The following CHRNA7 variants were observed in gnomAD, a reference collection of about 807,000 sequenced individuals.
The protein encoded by CHRNA7 is cholinergic receptor nicotinic alpha 7 subunit, also known as neuronal acetylcholine receptor subunit alpha-7.
A neutral mutation model predicts 48.0 loss-of-function variants in CHRNA7; 17 were observed. That is an observed-to-expected ratio of 0.35 (90% CI 0.24 to 0.53). The LOEUF is 0.53. Ranked by LOEUF, CHRNA7 falls within the 20% of genes least tolerant of loss-of-function variation. CHRNA7 has a pLI of 0.92. For synonymous variants in CHRNA7, 75 were observed against 242.3 expected (o/e 0.31, Z 6.41); for missense variants, 155 against 577.7 (o/e 0.27, Z 7.50).
intron 2 of CHRNA7, among the ~76,000 whole-genome samples, chr15:32,038,238 TAC>T (rs2049386565): frequency 6.7e-6 from 1 of 149,440 alleles, no homozygotes; most frequent in Non-Finnish European, 1.5e-5. Context: ...AATATGTATA[TAC>T]ACACATATAC....
intron 4 of CHRNA7, among the ~76,000 whole-genome samples, chr15:32,148,587 T>C (rs1306035550): frequency 6.6e-6 from 1 of 152,152 alleles, no homozygotes; most frequent in Non-Finnish European, 1.5e-5. Flanking sequence ...AGGTGTGATC[T>C]CAGACCCACC....
At chr15:32,054,025 G>T (rs893921281) in intron 2 of CHRNA7, among the ~76,000 whole-genome samples, 6 of 152,168 alleles carry the variant, frequency 3.9e-5, no homozygotes, top group Non-Finnish European at 8.8e-5. Flanking sequence ...TCCTGTCTTG[G>T]ATAAAAGAGC....
Position 32,150,946 on chromosome 15 carries a change from AG to A in CHRNA7, c.351-2952del, listed in dbSNP as rs1555388923. 5.7e-3 allele frequency among the ~76,000 whole-genome samples: 863 copies of A among 151,102 alleles called. 8 individuals are homozygous for A. Among genetic ancestry groups the A allele is most frequent in the Non-Finnish European group, 6.6e-3 (444 of 67,734 alleles). ...CTTTCCCTATGTGTTTTTGGAAGTAAGGGGGGGGGATGTGTCCTTTCATGAC... is the reference window on the plus strand; with the variant it reads ...CTTTCCCTATGTGTTTTTGGAAGTAAGGGGGGGGATGTGTCCTTTCATGAC... On this transcript the variant is annotated intron_variant, in intron 4 of 9. Coordinates refer to ENST00000306901, the MANE Select transcript of CHRNA7 (RefSeq NM_000746.6).
At chr15:32,115,613 C>T (rs1388774236) in intron 4 of CHRNA7, among the ~76,000 whole-genome samples, 1 of 152,088 alleles carries the variant, frequency 6.6e-6, no homozygotes, top group African/African-American at 2.4e-5. Flanking sequence ...AATGCCCACC[C>T]CTTAACTCCC....
At chr15:32,135,597 G>A (rs1364366976) in intron 4 of CHRNA7, among the ~76,000 whole-genome samples, 5 of 152,182 alleles carry the variant, frequency 3.3e-5, no homozygotes, top group Non-Finnish European at 5.9e-5. Flanking sequence ...AGATCTATGT[G>A]CTGTAGGGGA....
chr15:32,066,091 C>G (rs2049961490), intron 2 of CHRNA7, among the ~76,000 whole-genome samples: 1 of 152,242 alleles, frequency 6.6e-6, no homozygotes, highest in Non-Finnish European at 1.5e-5. Flanking sequence ...TCATGGATGC[C>G]AAGCATTGAA....
At chr15:32,142,513 C>T (rs903126639) in intron 4 of CHRNA7, among the ~76,000 whole-genome samples, 1 of 152,108 alleles carries the variant, frequency 6.6e-6, no homozygotes, top group Non-Finnish European at 1.5e-5. Flanking sequence ...TCCTCTGTAC[C>T]TCTGGCAGAA....
chr15:32,101,018 T>C (rs986166078), intron 2 of CHRNA7: 1 of 360,970 alleles, frequency 2.8e-6, no homozygotes, highest in African/African-American at 2.1e-5. Flanking sequence ...GCTAAATCAT[T>C]AGCAGGCATC....
chr15:32,083,026 C>T (rs2050240320), intron 2 of CHRNA7, among the ~76,000 whole-genome samples: 2 of 152,114 alleles, frequency 1.3e-5, no homozygotes. Flanking sequence ...GTCCCAGCTA[C>T]TTGGGAGAAT....
chr15:32,059,716 A>G (rs924594498), intron 2 of CHRNA7, among the ~76,000 whole-genome samples: 2 of 152,264 alleles, frequency 1.3e-5, no homozygotes, highest in South Asian at 4.1e-4. Context: ...AAGTACAGAT[A>G]TAGAGAAATG....
At chr15:32,041,534 G>A (rs1012944117) in intron 2 of CHRNA7, among the ~76,000 whole-genome samples, 4 of 152,268 alleles carry the variant, frequency 2.6e-5, no homozygotes, top group African/African-American at 9.6e-5. Flanking sequence ...ACCTCCTGGT[G>A]TGTGGCCCAG....
At chr15:32,134,748 C>T (rs1204507527) in intron 4 of CHRNA7, among the ~76,000 whole-genome samples, 3 of 152,032 alleles carry the variant, frequency 2.0e-5, no homozygotes, top group African/African-American at 2.4e-5. Context: ...GAATTAAAAA[C>T]ACAAATGAGA....
At chr15:32,151,373 T>C (rs974345770) in intron 4 of CHRNA7, among the ~76,000 whole-genome samples, 6 of 152,226 alleles carry the variant, frequency 3.9e-5, no homozygotes, top group African/African-American at 1.4e-4. Context: ...TTTCTCAGGT[T>C]TCACTCTCAT....
intron 2 of CHRNA7, among the ~76,000 whole-genome samples, chr15:32,068,829 C>T (rs949213428): frequency 3.2e-4 from 49 of 151,992 alleles, no homozygotes; most frequent in African/African-American, 1.0e-3. Context: ...ATACATATGA[C>T]GTATCAATGG....
chr15:32,087,419 C>T (rs991465529), intron 2 of CHRNA7, among the ~76,000 whole-genome samples: 2 of 152,248 alleles, frequency 1.3e-5, no homozygotes, highest in South Asian at 4.1e-4. Context: ...AGCCCTTTCT[C>T]CAGAAATCCT....
At chr15:32,090,120 A>G (rs2050359791) in intron 2 of CHRNA7, among the ~76,000 whole-genome samples, 1 of 152,146 alleles carries the variant, frequency 6.6e-6, no homozygotes, top group Admixed American at 6.5e-5. Context: ...TGACCTTCAC[A>G]AGTGTTTCTC....
intron 4 of CHRNA7, among the ~76,000 whole-genome samples, chr15:32,114,289 C>T (rs1391763248): frequency 6.6e-6 from 1 of 151,838 alleles, no homozygotes; most frequent in African/African-American, 2.4e-5. Flanking sequence ...ATTCCAAATG[C>T]TCTGGCTAAT....
At chr15:32,044,735 T>A (rs2049509518) in intron 2 of CHRNA7, among the ~76,000 whole-genome samples, 1 of 152,242 alleles carries the variant, frequency 6.6e-6, no homozygotes, top group South Asian at 2.1e-4. Flanking sequence ...TGAAAAAATT[T>A]CAGTTGCCCC....
chr15:32,134,755 G>A (rs1247454236), intron 4 of CHRNA7, among the ~76,000 whole-genome samples: 1 of 152,134 alleles, frequency 6.6e-6, no homozygotes, highest in Non-Finnish European at 1.5e-5. Flanking sequence ...AAACACAAAT[G>A]AGAGAAACCC....
Sources: gnomAD v4.1 joint callset for allele counts (sites outside exome capture counted in the v4.1 genomes callset) on GRCh38, gnomAD v4.1.1 for gene constraint, MANE v1.5 for transcripts, NCBI Gene and HGNC (gene_info 2026-07-23, HGNC 2026-07-21) for gene names.